The following NPC1 variants were observed in gnomAD, a reference collection of about 807,000 sequenced individuals.
NPC1 encodes the protein NPC intracellular cholesterol transporter 1, also known as Niemann-Pick C1 protein.
Under a neutral mutation model 140.4 loss-of-function variants are expected in NPC1, and 85 were observed. The ratio of observed to expected loss-of-function variants is 0.61; its 90% CI spans 0.51 to 0.72. The LOEUF (loss-of-function observed/expected upper bound fraction) is 0.72. Among genes scored for constraint, NPC1 ranks in the 30% least tolerant of loss-of-function variants. NPC1 has a pLI of 0.00. For missense variants in NPC1, 1,504 were observed against 1,623.8 expected (o/e 0.93, Z 1.27); for synonymous variants, 656 against 624.8 (o/e 1.05, Z -0.74).
chr18:23,567,321 T>C (rs1164189748), intron 4 of NPC1, among the ~76,000 whole-genome samples: 1 of 152,234 alleles, frequency 6.6e-6, no homozygotes, highest in East Asian at 1.9e-4. Flanking sequence ...GCGTCTTGAA[T>C]TTTTGCCATT....
At chr18:23,534,318 A>T in intron 23 of NPC1, 128 bp downstream of exon 23, 1 of 728,162 alleles carries the variant, frequency 1.4e-6, no homozygotes, top group South Asian at 1.5e-5. Flanking sequence ...CAGCTAATTC[A>T]TGAATTGCCT....
At position 23,532,139 on chromosome 18, in the gene NPC1, C is replaced by A; in HGVS notation, c.*63G>T. The A allele has an allele frequency of 6.2e-7, 1 of 1,614,058 alleles. No homozygotes were observed. ...TCAACTTGGCCTTGCCGATGCAGCA[C>A]CCGTCCAGTGGTAAACCGACCGACC... On this transcript the variant is annotated 3_prime_UTR_variant, in exon 25 of 25. Transcript: ENST00000269228.
At position 23,538,532 on chromosome 18, in the gene NPC1, C is replaced by T. The variant is rs965937353; in HGVS notation, c.3041+10G>A. 1.9e-5 allele frequency: 30 copies of T among 1,614,040 alleles called. No individual in the cohort carries two copies. Among genetic ancestry groups the T allele is most frequent in the Non-Finnish European group, 2.5e-5 (29 of 1,180,014 alleles). ...AGTGGATGCTTATCTGCAATGGCAG[C>T]AGCACTTACCCTTTGCCACACTTGG... On this transcript the variant is annotated intron_variant, in intron 20 of 24. Coordinates refer to ENST00000269228, the MANE Select transcript of NPC1 (RefSeq NM_000271.5).
intron 9 of NPC1, among the ~76,000 whole-genome samples, chr18:23,553,738 C>G (rs1431990445): frequency 6.6e-6 from 1 of 152,174 alleles, no homozygotes; most frequent in African/African-American, 2.4e-5. Flanking sequence ...CTGGGAGAAG[C>G]CTTAAGATTC....
At chr18:23,581,667 G>C (rs1340970396) in intron 1 of NPC1, among the ~76,000 whole-genome samples, 1 of 151,980 alleles carries the variant, frequency 6.6e-6, no homozygotes, top group East Asian at 1.9e-4. Flanking sequence ...ATTTTTTTAA[G>C]AGCTTTACTC....
chr18:23,571,860 G>A (rs755065113), intron 3 of NPC1, among the ~76,000 whole-genome samples: 3 of 150,940 alleles, frequency 2.0e-5, no homozygotes, highest in East Asian at 1.9e-4. Context: ...ATACACACAC[G>A]CATGCATACA....
chr18:23,545,117 G>C lies in NPC1; in HGVS notation c.1790C>G (p.Pro597Arg). ...FINFVKNYKN[P>R]NLTISFTAER... ...AGCAGTGAAGGAAATGGTCAGATTG[G>C]GATTCTTGTAGTTTTTCACAAAATT... The change falls in exon 12 of 25, where the codon CCC becomes CGC. Residue 597 changes from proline to arginine, a missense_variant. Coordinates refer to ENST00000269228, the MANE Select transcript of NPC1 (RefSeq NM_000271.5). The C allele has an allele frequency of 1.2e-6, 2 of 1,613,108 alleles. No individual in the cohort carries two copies. The highest frequency in any genetic ancestry group is 1.7e-6 in the Non-Finnish European group (2 of 1,179,206).
intron 11 of NPC1, 61 bp downstream of exon 11, chr18:23,547,945 C>T: frequency 1.0e-6 from 1 of 975,158 alleles, no homozygotes; most frequent in South Asian, 1.3e-5. Context: ...TAAGTGCTTG[C>T]CGCAAGTGTC....
chr18:23,530,066 G>T (rs752086610), downstream of NPC1: 1 of 1,614,120 alleles, frequency 6.2e-7, no homozygotes. Context: ...CCCTTGTCCA[G>T]CACAACCTCT....
At chr18:23,515,732 C>T in intron 3 of NPC1, 4 of 1,085,640 alleles carry the variant, frequency 3.7e-6, no homozygotes, top group Non-Finnish European at 5.3e-6. Flanking sequence ...GGGGTTTTAC[C>T]ATTTTGTCCA....
chr18:23,510,194 T>A (rs1286101031), intron 3 of NPC1, among the ~76,000 whole-genome samples: 1 of 151,204 alleles, frequency 6.6e-6, no homozygotes, highest in Admixed American at 6.6e-5. Flanking sequence ...CATGGTGGTG[T>A]GCGCCTGTAG....
intron 1 of NPC1, chr18:23,576,590 C>T: frequency 1.5e-6 from 1 of 646,574 alleles, no homozygotes; most frequent in Non-Finnish European, 1.9e-6. Flanking sequence ...AGCCGCGGAC[C>T]CTGGCGGTGA....
chr18:23,559,550 G>A (rs940523079), intron 6 of NPC1, among the ~76,000 whole-genome samples: 1 of 128,218 alleles, frequency 7.8e-6, no homozygotes, highest in Non-Finnish European at 1.5e-5. Context: ...CGCCAGGGCT[G>A]TTTGCAATGG....
chr18:23,585,345 C>G (rs1266021996), intron 1 of NPC1, among the ~76,000 whole-genome samples: 2 of 152,180 alleles, frequency 1.3e-5, no homozygotes, highest in Non-Finnish European at 2.9e-5. Context: ...TCTCCTGGCT[C>G]TTAGTCCATT....
At chr18:23,583,484 G>A (rs1395434935) in intron 1 of NPC1, among the ~76,000 whole-genome samples, 2 of 152,042 alleles carry the variant, frequency 1.3e-5, no homozygotes, top group East Asian at 3.9e-4. Flanking sequence ...GTGAAATGGG[G>A]CCCTGGAAGA....
chr18:23,535,343 G>A, intron 22 of NPC1, 126 bp downstream of exon 22: 1 of 756,252 alleles, frequency 1.3e-6, no homozygotes, highest in Non-Finnish European at 2.3e-6. Flanking sequence ...CTCTCCATGT[G>A]TGCCAAGAGC....
At chr18:23,531,408 G>A, downstream of NPC1, 3 of 904,054 alleles carry the variant, frequency 3.3e-6, no homozygotes, top group Non-Finnish European at 3.1e-6. Context: ...ATGTAAGACG[G>A]CATTTAGTTA....
chr18:23,533,242 T>G, intron 24 of NPC1, 113 bp downstream of exon 24: 2 of 1,164,142 alleles, frequency 1.7e-6, no homozygotes, highest in Non-Finnish European at 2.5e-6. Context: ...CATTTATCAT[T>G]ATCAAATGAC....
rs1266315135 is a variant in NPC1, at chr18:23,533,447, A to T, written c.3662T>A (p.Phe1221Tyr). ...ATACATCCTGAAGTAGAATATCTGG[A>T]AAATTTGAGATTTGGCAAAAGCCAA... Reference protein sequence around the residue: ...VVLAFAKSQIFQIFYFRMYLA... With the variant: ...VVLAFAKSQIYQIFYFRMYLA... The change falls in exon 24 of 25, where the codon TTC becomes TAC. Residue 1221 changes from phenylalanine (F) to tyrosine (Y), a missense_variant. Phe to Tyr is a conservative substitution (Grantham distance 22). Coordinates refer to ENST00000269228, the MANE Select transcript of NPC1 (RefSeq NM_000271.5). 1 of 1,614,238 alleles carries T rather than the reference A, an allele frequency of 6.2e-7. No individual in the cohort carries two copies. Among genetic ancestry groups the T allele is most frequent in the Admixed American group, 1.7e-5 (1 of 60,026 alleles).
Sources: gnomAD v4.1 joint callset for allele counts (sites outside exome capture counted in the v4.1 genomes callset) on GRCh38, gnomAD v4.1.1 for gene constraint, MANE v1.5 for transcripts, NCBI Gene and HGNC (gene_info 2026-07-23, HGNC 2026-07-21) for gene names.